The following GPD2 variants were observed in gnomAD, a reference collection of about 807,000 sequenced individuals.
GPD2 encodes glycerol-3-phosphate dehydrogenase 2, also known as glycerol-3-phosphate dehydrogenase, mitochondrial.
In GPD2, 54 loss-of-function variants were observed where a neutral mutation model predicts 82.4. That is an observed-to-expected ratio of 0.66 (90% CI 0.53 to 0.82). GPD2 has a LOEUF of 0.82. Ranked by LOEUF, GPD2 falls within the 40% of genes least tolerant of loss-of-function variation. The pLI is 0.00. For synonymous variants in GPD2, 288 were observed against 306.1 expected, an observed-to-expected ratio of 0.94 and a Z score of 0.62; for missense variants, 748 against 896.2, an observed-to-expected ratio of 0.83 and a Z score of 2.11.
chr2:156,421,098 C>T, the GPD2 span, among the ~76,000 whole-genome samples: 1 of 152,202 alleles, frequency 6.6e-6, no homozygotes, highest in South Asian at 2.1e-4. Flanking sequence ...GTCTGAGATT[C>T]TACATTTCAA....
chr2:156,549,267 G>A (rs1269347066), intron 6 of GPD2, among the ~76,000 whole-genome samples: 1 of 152,264 alleles, frequency 6.6e-6, no homozygotes. Flanking sequence ...TCATGCTTAC[G>A]ATTTGTCTGT....
chr2:156,496,731 ATATT>A (rs1418293322), intron 3 of GPD2, among the ~76,000 whole-genome samples: 1 of 152,050 alleles, frequency 6.6e-6, no homozygotes, highest in Non-Finnish European at 1.5e-5. Context: ...TTTAAAGCAC[ATATT>A]TATATTTATA....
intron 16 of GPD2, among the ~76,000 whole-genome samples, chr2:156,581,048 A>G (rs903921893): frequency 3.9e-5 from 6 of 152,194 alleles, no homozygotes; most frequent in African/African-American, 1.4e-4. Flanking sequence ...TTTAGAAACA[A>G]TAAGAATCTG....
upstream of GPD2, among the ~76,000 whole-genome samples, chr2:156,434,904 T>G (rs1688380131): frequency 6.6e-6 from 1 of 152,170 alleles, no homozygotes; most frequent in Admixed American, 6.5e-5. Flanking sequence ...CTCCAGTGAC[T>G]ACACTTTTAG....
At chr2:156,552,503 T>A (rs1179830587) in intron 8 of GPD2, among the ~76,000 whole-genome samples, 2 of 152,230 alleles carry the variant, frequency 1.3e-5, no homozygotes, top group Non-Finnish European at 2.9e-5. Context: ...TTTAAGTATC[T>A]CTAAGAATGG....
chr2:156,451,416 G>A (rs1682569679), intron 1 of GPD2, among the ~76,000 whole-genome samples: 1 of 137,724 alleles, frequency 7.3e-6, no homozygotes. Flanking sequence ...GGCAGGGCGG[G>A]GGGCTGACCC....
chr2:156,467,944 G>A (rs1683202867), intron 1 of GPD2, among the ~76,000 whole-genome samples: 1 of 152,002 alleles, frequency 6.6e-6, no homozygotes, highest in African/African-American at 2.4e-5. Flanking sequence ...TGGGGGGAAT[G>A]CGTTTGCAGG....
At chr2:156,408,080 C>T in the GPD2 span, among the ~76,000 whole-genome samples, 2 of 151,272 alleles carry the variant, frequency 1.3e-5, no homozygotes, top group East Asian at 1.9e-4. Context: ...CTCAGCCTCC[C>T]GAGGAGCTGA....
At chr2:156,423,223 T>C in the GPD2 span, among the ~76,000 whole-genome samples, 1 of 152,242 alleles carries the variant, frequency 6.6e-6, no homozygotes, top group African/African-American at 2.4e-5. Flanking sequence ...TTTTCTATTA[T>C]TTTTATAAGA....
intron 8 of GPD2, among the ~76,000 whole-genome samples, chr2:156,551,577 A>G (rs762178865): frequency 6.6e-6 from 1 of 152,202 alleles, no homozygotes; most frequent in Non-Finnish European, 1.5e-5. Flanking sequence ...ATAATGACTT[A>G]TGTGCAACAG....
At chr2:156,491,578 T>G (rs954501105) in intron 2 of GPD2, among the ~76,000 whole-genome samples, 10 of 152,202 alleles carry the variant, frequency 6.6e-5, no homozygotes, top group African/African-American at 2.4e-4. Flanking sequence ...GTAAAGGATG[T>G]TTTAGTTTTT....
chr2:156,438,279 A>G (rs1238475815), intron 1 of GPD2, among the ~76,000 whole-genome samples: 3 of 152,218 alleles, frequency 2.0e-5, no homozygotes, highest in Admixed American at 6.5e-5. Context: ...TCTCATTGGC[A>G]AAATATGGAT....
intron 1 of GPD2, among the ~76,000 whole-genome samples, chr2:156,446,910 CTCCTTTCCACA>C (rs575073552): frequency 3.2e-3 from 490 of 152,206 alleles, no homozygotes; most frequent in African/African-American, 0.011. Flanking sequence ...TAAAATTTTT[CTCCTTTCCACA>C]TCATTTTTAT....
intron 8 of GPD2, among the ~76,000 whole-genome samples, chr2:156,556,941 C>T (rs1453525433): frequency 1.3e-5 from 2 of 152,066 alleles, no homozygotes; most frequent in Non-Finnish European, 2.9e-5. Context: ...TTCTACTGAG[C>T]GATGAAATGT....
At chr2:156,436,794 G>A (rs1681940838) in intron 1 of GPD2, among the ~76,000 whole-genome samples, 1 of 152,182 alleles carries the variant, frequency 6.6e-6, no homozygotes, top group Admixed American at 6.5e-5. Flanking sequence ...CAAACTTTTA[G>A]CTTGTAGATG....
intron 6 of GPD2, among the ~76,000 whole-genome samples, chr2:156,536,068 C>T (rs190623967): frequency 6.6e-6 from 1 of 152,304 alleles, no homozygotes; most frequent in Admixed American, 6.5e-5. Context: ...GATTTATAGT[C>T]TGTGCTTCTG....
intron 13 of GPD2, among the ~76,000 whole-genome samples, chr2:156,575,949 TAC>T (rs1687806983): frequency 6.6e-6 from 1 of 152,226 alleles, no homozygotes; most frequent in African/African-American, 2.4e-5. Flanking sequence ...ATCTTTGATG[TAC>T]CAATAACAAG....
intron 2 of GPD2, among the ~76,000 whole-genome samples, chr2:156,494,668 T>G (rs879725755): frequency 6.6e-6 from 1 of 152,358 alleles, no homozygotes; most frequent in East Asian, 1.9e-4. Context: ...GCACATGCTT[T>G]GGCCTGTTGG....
intron 6 of GPD2, among the ~76,000 whole-genome samples, chr2:156,520,110 G>A (rs1025658689): frequency 3.9e-5 from 6 of 152,186 alleles, no homozygotes; most frequent in East Asian, 1.9e-4. Context: ...GTCTCCAACC[G>A]TCCAGCTGCC....
Sources: allele counts gnomAD v4.1 joint callset (sites outside exome capture counted in the v4.1 genomes callset), GRCh38; gene constraint gnomAD v4.1.1; transcripts MANE v1.5; gene names NCBI Gene and HGNC (gene_info 2026-07-23, HGNC 2026-07-21).